Variants in PLCL2 observed in about 807,000 individuals in gnomAD.
PLCL2 encodes the protein phospholipase C like 2.
In PLCL2, 4 loss-of-function variants were observed where a neutral mutation model predicts 79.6. The ratio of observed to expected loss-of-function variants is 0.05; its 90% CI spans 0.02 to 0.11. The LOEUF (loss-of-function observed/expected upper bound fraction) is 0.11. Among genes scored for constraint, PLCL2 ranks in the 10% least tolerant of loss-of-function variants. The probability of loss-of-function intolerance (pLI) is 1.00; values close to 1 mark genes in which losing one functional copy is unlikely to be tolerated. For missense variants in PLCL2, 895 were observed against 1,291.0 expected (o/e 0.69, Z 4.70); for synonymous variants, 484 against 457.7 (o/e 1.06, Z -0.73).
intron 1 of PLCL2, among the ~76,000 whole-genome samples, chr3:16,943,429 A>C (rs2063572766): frequency 6.6e-6 from 1 of 152,202 alleles, no homozygotes; most frequent in Non-Finnish European, 1.5e-5. Flanking sequence ...AGCTGGGAGG[A>C]GTTTGAGCAG....
At chr3:16,890,416 A>C (rs1185983199) in intron 1 of PLCL2, among the ~76,000 whole-genome samples, 1 of 152,256 alleles carries the variant, frequency 6.6e-6, no homozygotes, top group Non-Finnish European at 1.5e-5. Flanking sequence ...AGGAGCCTAA[A>C]CTAGAATGTT....
intron 1 of PLCL2, among the ~76,000 whole-genome samples, chr3:17,004,267 T>TA (rs1394334816): frequency 6.6e-6 from 1 of 152,190 alleles, no homozygotes; most frequent in Non-Finnish European, 1.5e-5. Flanking sequence ...AACCGCCATC[T>TA]AAACTTTACT....
chr3:17,058,465 C>T (rs2064913264), intron 4 of PLCL2, among the ~76,000 whole-genome samples: 1 of 152,076 alleles, frequency 6.6e-6, no homozygotes, highest in Non-Finnish European at 1.5e-5. Context: ...TGGTTTTTGG[C>T]TTCATCTTGG....
intron 5 of PLCL2, among the ~76,000 whole-genome samples, chr3:17,076,884 G>A (rs2065113762): frequency 6.6e-6 from 1 of 152,072 alleles, no homozygotes; most frequent in African/African-American, 2.4e-5. Flanking sequence ...TCTGTTTTCT[G>A]TAATATCTAA....
chr3:16,981,007 G>A (rs968201410), intron 1 of PLCL2, among the ~76,000 whole-genome samples: 1 of 152,338 alleles, frequency 6.6e-6, no homozygotes, highest in East Asian at 1.9e-4. Flanking sequence ...GTGGTGGCGC[G>A]CGCCTGCAAT....
At chr3:16,930,641 C>T (rs987387233) in intron 1 of PLCL2, among the ~76,000 whole-genome samples, 1 of 152,044 alleles carries the variant, frequency 6.6e-6, no homozygotes, top group Non-Finnish European at 1.5e-5. Flanking sequence ...GAGTAGTAAA[C>T]AAGTGATACT....
Position 17,023,973 on chromosome 3 carries a change from C to A in PLCL2, c.3018+9062C>A, listed in dbSNP as rs546311180. 2.6e-5 allele frequency among the ~76,000 whole-genome samples: 4 copies of A among 152,272 alleles called. No individual in the cohort carries two copies. The South Asian group carries it at 8.3e-4, about 32-fold the overall frequency. On this transcript the variant is annotated intron_variant, in intron 3 of 5. Transcript: ENST00000615277. ...CACTTGTGAGACTGTTGAAGCCACC[C>A]AGCCTGCAGCCTTTCCCTCTCTGCT...
chr3:16,956,826 T>C (rs1299291948), intron 1 of PLCL2, among the ~76,000 whole-genome samples: 2 of 152,218 alleles, frequency 1.3e-5, no homozygotes, highest in Non-Finnish European at 2.9e-5. Flanking sequence ...TAGAGGTGTT[T>C]GTAGTATTCT....
At chr3:16,990,862 A>C (rs1209780683) in intron 1 of PLCL2, among the ~76,000 whole-genome samples, 1 of 152,228 alleles carries the variant, frequency 6.6e-6, no homozygotes, top group East Asian at 1.9e-4. Flanking sequence ...GAATTATTAC[A>C]GGTAGTGGAA....
At position 16,929,808 on chromosome 3, in the gene PLCL2, G is replaced by A. The variant is rs1184423233; in HGVS notation, c.327+44442G>A. On this transcript the variant is annotated intron_variant, in intron 1 of 5. Coordinates refer to ENST00000615277, the MANE Select transcript of PLCL2 (RefSeq NM_001144382.2). Reference sequence around the variant, plus strand: ...TTTGAGTATGAAGAAGGTGCTGCATGCATACATTCAAAGGAACTAGTGAAT... The same window carrying A: ...TTTGAGTATGAAGAAGGTGCTGCATACATACATTCAAAGGAACTAGTGAAT... Among the ~76,000 whole-genome samples, 6 of 152,242 alleles carry A rather than the reference G, an allele frequency of 3.9e-5. No homozygotes were observed. The East Asian group carries it at 1.2e-3, about 29-fold the overall frequency.
At chr3:17,038,688 T>C (rs1449015827) in intron 3 of PLCL2, among the ~76,000 whole-genome samples, 2 of 152,184 alleles carry the variant, frequency 1.3e-5, no homozygotes, top group Admixed American at 6.5e-5. Context: ...TCAAAGTGCT[T>C]TATAGAAACA....
chr3:16,995,120 G>T (rs1297108407), intron 1 of PLCL2, among the ~76,000 whole-genome samples: 3 of 152,226 alleles, frequency 2.0e-5, no homozygotes, highest in Non-Finnish European at 2.9e-5. Flanking sequence ...TCCAGCCAAG[G>T]GCTGGGCAAG....
rs1197991789 is a variant in PLCL2 at position 17,011,736 on chromosome 3, A to G, written c.2390A>G (p.Gln797Arg). The G allele has an allele frequency of 6.2e-7, 1 of 1,614,182 alleles. No homozygotes were observed. Among genetic ancestry groups the G allele is most frequent in the Non-Finnish European group, 8.5e-7 (1 of 1,180,028 alleles). ...GGAATCCCTGCTGATTGTGCAGAAC[A>G]AAGGACAAAAACAGTGCACCAGAAT... Reference protein sequence around the residue: ...IHGIPADCAEQRTKTVHQNGD... With the variant: ...IHGIPADCAERRTKTVHQNGD... Residue 797 changes from glutamine (Q) to arginine (R), a missense_variant, in exon 2 of 6, where the codon CAA becomes CGA. Gln to Arg is a conservative substitution (Grantham distance 43). Transcript: ENST00000615277. The surrounding 1 kb of genome is among the most constrained non-coding windows in gnomAD (Gnocchi z 7.9).
At chr3:16,975,836 G>A (rs1229602777) in intron 1 of PLCL2, among the ~76,000 whole-genome samples, 1 of 152,180 alleles carries the variant, frequency 6.6e-6, no homozygotes, top group African/African-American at 2.4e-5. Context: ...GAGACAACAG[G>A]ACTCTTCTAG....
chr3:17,017,854 G>A (rs1456765027), intron 3 of PLCL2, among the ~76,000 whole-genome samples: 1 of 152,166 alleles, frequency 6.6e-6, no homozygotes, highest in East Asian at 1.9e-4. Context: ...TTTCAGAAGT[G>A]TGCTAGTTTC....
chr3:16,996,879 T>C (rs2124999635), intron 1 of PLCL2, among the ~76,000 whole-genome samples: 1 of 152,312 alleles, frequency 6.6e-6, no homozygotes, highest in South Asian at 2.1e-4. Context: ...TCTTAAAATT[T>C]AATTATTTAC....
chr3:16,960,115 G>A (rs972239666), intron 1 of PLCL2, among the ~76,000 whole-genome samples: 1 of 151,864 alleles, frequency 6.6e-6, no homozygotes, highest in African/African-American at 2.4e-5. Flanking sequence ...AAAAAAAAAA[G>A]TTCATCTTCT....
intron 5 of PLCL2, among the ~76,000 whole-genome samples, chr3:17,071,432 C>T (rs1259903832): frequency 2.0e-5 from 3 of 152,134 alleles, no homozygotes; most frequent in Admixed American, 6.5e-5. Flanking sequence ...GGCATACTTA[C>T]TTCCAGTCAT....
intron 1 of PLCL2, among the ~76,000 whole-genome samples, chr3:16,925,556 T>C (rs1324284312): frequency 6.6e-6 from 1 of 152,246 alleles, no homozygotes; most frequent in East Asian, 1.9e-4. Flanking sequence ...TCCCAGTCCC[T>C]GGCAACCACT....
Sources: gnomAD v4.1 joint callset for allele counts (sites outside exome capture counted in the v4.1 genomes callset) on GRCh38, gnomAD v4.1.1 for gene constraint, Gnocchi (gnomAD v3.1) non-coding constraint, MANE v1.5 for transcripts, NCBI Gene and HGNC (gene_info 2026-07-23, HGNC 2026-07-21) for gene names.